Variants in KIAA1217 observed in about 807,000 individuals in gnomAD.
The protein encoded by KIAA1217 is sickle tail protein homolog.
Under a neutral mutation model 163.9 loss-of-function variants are expected in KIAA1217, and 88 were observed. The ratio of observed to expected loss-of-function variants is 0.54; its 90% confidence interval spans 0.45 to 0.64. KIAA1217 has a LOEUF of 0.64. Ranked by LOEUF, KIAA1217 falls within the 30% of genes least tolerant of loss-of-function variation. The pLI, the probability that KIAA1217 is intolerant of heterozygous loss-of-function variation, is 0.00. For synonymous variants in KIAA1217, 903 were observed against 923.1 expected (o/e 0.98, Z 0.39); for missense variants, 2,372 against 2,475.0 (o/e 0.96, Z 0.88).
rs1201816821 is a variant in KIAA1217, at chr10:24,244,738, T to G, written c.354+24829T>G. Among the ~76,000 whole-genome samples, 7 of 151,912 alleles carry G rather than the reference T, an allele frequency of 4.6e-5. No homozygotes were observed. The East Asian group carries it at 1.4e-3, about 29-fold the overall frequency. On this transcript the variant is annotated intron_variant, in intron 2 of 20. Transcript: ENST00000376454. ...TGCTACCATGCCCTGCTAATTTTTC[T>G]AATTTTAGTAGAGACAGGGTTTTGC...
At chr10:24,424,734 C>T (rs2059041245) in intron 3 of KIAA1217, among the ~76,000 whole-genome samples, 1 of 152,202 alleles carries the variant, frequency 6.6e-6, no homozygotes, top group Non-Finnish European at 1.5e-5. Context: ...TCCCGAGTAG[C>T]TGGGATTAGA....
intron 2 of KIAA1217, among the ~76,000 whole-genome samples, chr10:24,167,288 T>TGTATGTGC (rs1356879393): frequency 5.2e-5 from 1 of 19,132 alleles, no homozygotes; most frequent in Non-Finnish European, 2.0e-4. Context: ...TATGTGCGTG[T>TGTATGTGC]GTGTGTGTGT....
chr10:23,744,039 G>A (rs1335787997), intron 1 of KIAA1217, among the ~76,000 whole-genome samples: 1 of 152,122 alleles, frequency 6.6e-6, no homozygotes, highest in Non-Finnish European at 1.5e-5. Flanking sequence ...AAAAGTGGAA[G>A]AACACATCCC....
intron 2 of KIAA1217, among the ~76,000 whole-genome samples, chr10:24,241,129 G>C (rs1255063963): frequency 6.6e-6 from 1 of 152,172 alleles, no homozygotes; most frequent in Non-Finnish European, 1.5e-5. Context: ...TTACAGGCTT[G>C]AGCCACTGCA....
intron 1 of KIAA1217, among the ~76,000 whole-genome samples, chr10:23,969,071 G>A (rs1845191310): frequency 6.6e-6 from 1 of 152,088 alleles, no homozygotes; most frequent in African/African-American, 2.4e-5. Flanking sequence ...TTTCACTGTT[G>A]TTGCCCAAAC....
At chr10:24,529,246 T>C (rs1273057319) in intron 14 of KIAA1217, among the ~76,000 whole-genome samples, 1 of 152,148 alleles carries the variant, frequency 6.6e-6, no homozygotes, top group Non-Finnish European at 1.5e-5. Flanking sequence ...CTGAGGACGT[T>C]CCAGTTCCTG....
chr10:24,157,678 A>C (rs1324060538), intron 2 of KIAA1217, among the ~76,000 whole-genome samples: 2 of 152,232 alleles, frequency 1.3e-5, no homozygotes, highest in African/African-American at 4.8e-5. Context: ...AATTTTCAAC[A>C]TAATTGTTTA....
chr10:24,348,522 A>C (rs1230963013), intron 2 of KIAA1217, among the ~76,000 whole-genome samples: 1 of 152,234 alleles, frequency 6.6e-6, no homozygotes, highest in Non-Finnish European at 1.5e-5. Flanking sequence ...TAGGAAATAA[A>C]ATTCTAAATT....
chr10:23,924,392 A>G (rs1013216522), intron 1 of KIAA1217, among the ~76,000 whole-genome samples: 7 of 152,212 alleles, frequency 4.6e-5, no homozygotes, highest in Non-Finnish European at 1.0e-4. Context: ...TGAGGTGTGG[A>G]AGTGAATTTT....
In KIAA1217 at chr10:24,281,654, A is replaced by G. The variant is rs112918070; in HGVS notation, c.354+61745A>G. ...GAGTTATTTTGTAGAATCTCCTTCA[A>G]TTGAGACTTGTCTGATGATTTTATC... On this transcript the variant is annotated intron_variant, in intron 2 of 20. Transcript: ENST00000376454. Among the ~76,000 whole-genome samples the G allele has an allele frequency of 3.3e-5, 5 of 152,168 alleles. No individual in the cohort carries two copies. The East Asian group carries it at 5.8e-4, about 18-fold the overall frequency.
intron 1 of KIAA1217, among the ~76,000 whole-genome samples, chr10:23,710,324 G>T (rs1377226613): frequency 6.6e-6 from 1 of 152,174 alleles, no homozygotes; most frequent in Non-Finnish European, 1.5e-5. Flanking sequence ...CAGTTAAACA[G>T]TTGAAGAAGC....
At chr10:24,094,640 T>C (rs1289763993) in intron 2 of KIAA1217, among the ~76,000 whole-genome samples, 1 of 152,216 alleles carries the variant, frequency 6.6e-6, no homozygotes, top group African/African-American at 2.4e-5. Flanking sequence ...AGTCTGCCCC[T>C]ACTGGGGGAT....
chr10:23,727,576 A>G (rs1323262519), intron 1 of KIAA1217, among the ~76,000 whole-genome samples: 1 of 152,180 alleles, frequency 6.6e-6, no homozygotes, highest in African/African-American at 2.4e-5. Context: ...ATTTAAAAAA[A>G]AGTTGTTATG....
intron 1 of KIAA1217, among the ~76,000 whole-genome samples, chr10:23,933,488 A>T (rs1564544351): frequency 6.6e-6 from 1 of 152,118 alleles, no homozygotes; most frequent in Non-Finnish European, 1.5e-5. Context: ...GTTTTTTTCC[A>T]GTTCTAAAAT....
At chr10:24,224,684 A>T (rs549600297) in intron 2 of KIAA1217, among the ~76,000 whole-genome samples, 20 of 152,184 alleles carry the variant, frequency 1.3e-4, no homozygotes, top group African/African-American at 4.6e-4. Context: ...TATCTACATC[A>T]TGGAGCACTG....
At chr10:24,246,835 G>A (rs765532109) in intron 2 of KIAA1217, among the ~76,000 whole-genome samples, 1 of 151,996 alleles carries the variant, frequency 6.6e-6, no homozygotes, top group African/African-American at 2.4e-5. Flanking sequence ...CCAACATGGC[G>A]AAACCCGATC....
chr10:24,183,202 C>G (rs926951911), intron 2 of KIAA1217, among the ~76,000 whole-genome samples: 11 of 152,222 alleles, frequency 7.2e-5, no homozygotes, highest in African/African-American at 1.2e-4. Flanking sequence ...AGGTGATACC[C>G]TTGAACTTCC....
chr10:24,242,319 C>A (rs753449061), intron 2 of KIAA1217, among the ~76,000 whole-genome samples: 1 of 152,108 alleles, frequency 6.6e-6, no homozygotes, highest in African/African-American at 2.4e-5. Flanking sequence ...CCATGTTTAG[C>A]CCCCACTTGT....
intron 2 of KIAA1217, among the ~76,000 whole-genome samples, chr10:24,139,528 T>C (rs1007085245): frequency 6.6e-6 from 1 of 152,184 alleles, no homozygotes; most frequent in Non-Finnish European, 1.5e-5. Context: ...CTTACTCTTT[T>C]CAATCATGTT....
Sources: gnomAD v4.1 joint callset for allele counts (sites outside exome capture counted in the v4.1 genomes callset) on GRCh38, gnomAD v4.1.1 for gene constraint, MANE v1.5 for transcripts, NCBI Gene and HGNC (gene_info 2026-07-23, HGNC 2026-07-21) for gene names.